GPATCH8: variants seen among roughly 807,000 people sequenced by gnomAD.
GPATCH8 encodes the protein G patch domain-containing protein 8.
In GPATCH8, 18 loss-of-function variants were observed where a neutral mutation model predicts 118.3. The ratio of observed to expected loss-of-function variants is 0.15; its 90% CI spans 0.11 to 0.23. The LOEUF is 0.23. Ranked by LOEUF, GPATCH8 falls within the 10% of genes least tolerant of loss-of-function variation. The pLI is 1.00. For missense variants in GPATCH8, 1,631 were observed against 1,873.8 expected, an observed-to-expected ratio of 0.87 and a Z score of 2.39; for synonymous variants, 659 against 684.7, an observed-to-expected ratio of 0.96 and a Z score of 0.59.
chr17:44,455,640 G>A (rs2051301084), intron 3 of GPATCH8, among the ~76,000 whole-genome samples: 1 of 151,864 alleles, frequency 6.6e-6, no homozygotes, highest in South Asian at 2.1e-4. Context: ...TTTTTATAAA[G>A]GAAAACATGA....
chr17:44,502,542 G>A (rs539409902), intron 1 of GPATCH8, among the ~76,000 whole-genome samples: 2 of 152,230 alleles, frequency 1.3e-5, no homozygotes, highest in East Asian at 1.9e-4. Flanking sequence ...GCTTGCCATC[G>A]TAAGGGCATT....
chr17:44,437,747 A>G (rs970568877), intron 3 of GPATCH8, among the ~76,000 whole-genome samples: 3 of 151,930 alleles, frequency 2.0e-5, no homozygotes, highest in African/African-American at 7.3e-5. Context: ...AACGACCACA[A>G]CCACTTGTAC....
chr17:44,479,804 TA>T (rs555641688), intron 1 of GPATCH8, among the ~76,000 whole-genome samples: 3 of 151,714 alleles, frequency 2.0e-5, no homozygotes, highest in Non-Finnish European at 4.4e-5. Context: ...CTGTCTCTAC[TA>T]AAAATACAAA....
chr17:44,429,990 C>A (rs2050246203), intron 5 of GPATCH8, among the ~76,000 whole-genome samples: 1 of 152,322 alleles, frequency 6.6e-6, no homozygotes, highest in East Asian at 1.9e-4. Flanking sequence ...CGTGCCACTG[C>A]ACTCCAGCCT....
intron 6 of GPATCH8, among the ~76,000 whole-genome samples, chr17:44,410,144 C>T (rs1156734994): frequency 1.3e-5 from 2 of 152,156 alleles, no homozygotes; most frequent in African/African-American, 4.8e-5. Context: ...GGCACAAGGA[C>T]CTAATCAGAG....
intron 1 of GPATCH8, among the ~76,000 whole-genome samples, chr17:44,476,928 A>G (rs1193229742): frequency 6.6e-6 from 1 of 152,220 alleles, no homozygotes; most frequent in Non-Finnish European, 1.5e-5. Flanking sequence ...TTGCTTTTAA[A>G]TCAAAATATC....
At chr17:44,422,856 CT>C (rs1278060360) in intron 6 of GPATCH8, among the ~76,000 whole-genome samples, 3 of 152,040 alleles carry the variant, frequency 2.0e-5, no homozygotes, top group Non-Finnish European at 2.9e-5. Flanking sequence ...TTGAATTTTT[CT>C]TTCCTGAAAA....
chr17:44,470,746 C>T (rs1405566364), intron 2 of GPATCH8, among the ~76,000 whole-genome samples: 1 of 151,756 alleles, frequency 6.6e-6, no homozygotes, highest in Non-Finnish European at 1.5e-5. Flanking sequence ...CTGACCTCGT[C>T]ATCTGCCCGC....
In GPATCH8 at chr17:44,399,431, G is replaced by A. The variant is rs2048919367; in HGVS notation, c.2646C>T (p.Cys882=). 1 of 1,614,086 alleles carries A rather than the reference G, an allele frequency of 6.2e-7. No homozygotes were observed. Residue 882 remains cysteine, a synonymous_variant, in exon 8 of 8, where the codon TGC becomes TGT. Transcript: ENST00000591680. The part of the protein sequence containing the change: ...SSSDASSDQS[C]YSRQRSYSDD... ...CAGAGTAACTGCGCTGTCTACTATA[G>A]CAGCTCTGGTCTGAAGAGGCATCTG...
At chr17:44,415,354 G>C (rs970675692) in intron 6 of GPATCH8, among the ~76,000 whole-genome samples, 2 of 152,150 alleles carry the variant, frequency 1.3e-5, no homozygotes, top group African/African-American at 4.8e-5. Context: ...AAGTGTTTTA[G>C]ATATTGGGCT....
intron 1 of GPATCH8, among the ~76,000 whole-genome samples, chr17:44,494,125 C>T (rs1482239087): frequency 6.6e-6 from 1 of 152,064 alleles, no homozygotes; most frequent in African/African-American, 2.4e-5. Flanking sequence ...CTACGACCAC[C>T]ACCTTCTACC....
At chr17:44,427,081 AT>A (rs200192738) in intron 5 of GPATCH8, among the ~76,000 whole-genome samples, 181 of 146,110 alleles carry the variant, frequency 1.2e-3, no homozygotes, top group African/African-American at 9.0e-4. Flanking sequence ...TAATATTACT[AT>A]TTTTTTTTTT....
At chr17:44,427,016 T>C (rs2050114533) in intron 5 of GPATCH8, among the ~76,000 whole-genome samples, 1 of 152,152 alleles carries the variant, frequency 6.6e-6, no homozygotes, top group Admixed American at 6.5e-5. Context: ...GTTATATGTA[T>C]GTGTACATAT....
rs146854037 is a variant in GPATCH8 at position 44,450,289 on chromosome 17, G to A, written c.194-13744C>T. ...AGAAAAGGAATCTGAATTCCTGGCTGCTTTTAACAATTTTAGAAGATCCAG... is the reference window on the plus strand; with the variant it reads ...AGAAAAGGAATCTGAATTCCTGGCTACTTTTAACAATTTTAGAAGATCCAG... On this transcript the variant is annotated intron_variant, in intron 3 of 7. Coordinates refer to ENST00000591680, the MANE Select transcript of GPATCH8 (RefSeq NM_001002909.4). 2.8e-3 allele frequency among the ~76,000 whole-genome samples: 429 copies of A among 152,304 alleles called. 1 individual carries two copies. The highest frequency in any genetic ancestry group is 4.2e-3 in the Non-Finnish European group (288 of 68,032).
chr17:44,409,310 TC>T, intron 6 of GPATCH8: 1 of 152,398 alleles, frequency 6.6e-6, no homozygotes, highest in East Asian at 1.9e-4. Flanking sequence ...ACCCCCAGCC[TC>T]AGCCTCCCAA....
chr17:44,419,119 A>G (rs978301979), intron 6 of GPATCH8, among the ~76,000 whole-genome samples: 3 of 152,218 alleles, frequency 2.0e-5, no homozygotes, highest in Admixed American at 6.5e-5. Context: ...TGGAGAGATT[A>G]TTTGTGCTTA....
chr17:44,435,676 C>G (rs947031181), intron 4 of GPATCH8, among the ~76,000 whole-genome samples: 21 of 147,302 alleles, frequency 1.4e-4, no homozygotes, highest in African/African-American at 5.1e-4. Flanking sequence ...CTCGGCCTCC[C>G]ACAGTGCTGG....
intron 3 of GPATCH8, among the ~76,000 whole-genome samples, chr17:44,450,289 GCTT>G (rs2051065222): frequency 6.6e-6 from 1 of 152,186 alleles, no homozygotes; most frequent in Admixed American, 6.5e-5. Flanking sequence ...ATTCCTGGCT[GCTT>G]TTAACAATTT....
chr17:44,432,226 C>T (rs1020948415), intron 5 of GPATCH8, among the ~76,000 whole-genome samples: 1 of 151,992 alleles, frequency 6.6e-6, no homozygotes, highest in African/African-American at 2.4e-5. Flanking sequence ...TACAAATTAT[C>T]ATTTAACAGA....
Sources: gnomAD v4.1 joint callset for allele counts (sites outside exome capture counted in the v4.1 genomes callset) on GRCh38, gnomAD v4.1.1 for gene constraint, MANE v1.5 for transcripts, NCBI Gene and HGNC (gene_info 2026-07-23, HGNC 2026-07-21) for gene names.